The following MICAL2 variants were observed in gnomAD, a reference collection of about 807,000 sequenced individuals.
MICAL2 encodes the protein [F-actin]-monooxygenase MICAL2.
Under a neutral mutation model 127.3 loss-of-function variants are expected in MICAL2, and 77 were observed. That is an observed-to-expected ratio of 0.60 (90% CI 0.50 to 0.73). The LOEUF (loss-of-function observed/expected upper bound fraction) is 0.73, where lower values mean the gene tolerates loss of function less well. MICAL2 is among the 30% of genes least tolerant of loss of function. MICAL2 has a pLI of 0.00. For synonymous variants in MICAL2, 570 were observed against 551.1 expected (o/e 1.03, Z -0.48); for missense variants, 1,351 against 1,434.4 (o/e 0.94, Z 0.94).
intron 3 of MICAL2, among the ~76,000 whole-genome samples, chr11:12,176,145 C>G (rs866537887): frequency 3.9e-5 from 6 of 152,194 alleles, no homozygotes; most frequent in Middle Eastern, 3.2e-3. Context: ...GCTGCTCACT[C>G]TCTCACCACA....
chr11:12,326,185 G>T (rs897220901), intron 31 of MICAL2, among the ~76,000 whole-genome samples: 13 of 152,150 alleles, frequency 8.5e-5, no homozygotes, highest in Non-Finnish European at 1.8e-4. Flanking sequence ...AAGAAGGGGA[G>T]TGAGACAGAG....
At chr11:12,141,530 G>C (rs1852351522) in intron 2 of MICAL2, among the ~76,000 whole-genome samples, 1 of 152,198 alleles carries the variant, frequency 6.6e-6, no homozygotes, top group African/African-American at 2.4e-5. Context: ...AGTTATGCCA[G>C]AGTGCAGATA....
chr11:12,302,943 A>T (rs756514673), intron 29 of MICAL2, among the ~76,000 whole-genome samples: 3 of 152,226 alleles, frequency 2.0e-5, no homozygotes, highest in Non-Finnish European at 2.9e-5. Flanking sequence ...GATTTAATCG[A>T]ATCACAGTTC....
intron 29 of MICAL2, among the ~76,000 whole-genome samples, chr11:12,305,061 G>T (rs1458668098): frequency 1.3e-5 from 2 of 152,108 alleles, no homozygotes; most frequent in South Asian, 4.1e-4. Flanking sequence ...CAGGGGGTAC[G>T]TTCCAAGACC....
At chr11:12,255,432 T>C in intron 22 of MICAL2, 2 of 560,404 alleles carry the variant, frequency 3.6e-6, no homozygotes, top group Non-Finnish European at 6.4e-6. Context: ...ACTTGTGTTT[T>C]TGCGGCCACA....
At chr11:12,222,449 C>T (rs1856935718) in intron 10 of MICAL2, among the ~76,000 whole-genome samples, 168 bp from the exon 11 acceptor site, 1 of 152,210 alleles carries the variant, frequency 6.6e-6, no homozygotes, top group Non-Finnish European at 1.5e-5. Context: ...GACCTTCTCC[C>T]CACTTTGCAG....
chr11:12,218,648 GAAATC>G (rs971439440), intron 8 of MICAL2, among the ~76,000 whole-genome samples: 1 of 152,220 alleles, frequency 6.6e-6, no homozygotes, highest in African/African-American at 2.4e-5. Flanking sequence ...GATCAGAAAG[GAAATC>G]AAATAACAGG....
intron 4 of MICAL2, among the ~76,000 whole-genome samples, chr11:12,205,769 A>G (rs1370530273): frequency 2.0e-5 from 3 of 152,226 alleles, no homozygotes; most frequent in Non-Finnish European, 2.9e-5. Context: ...CACTATGCCT[A>G]GCACATAGTA....
At chr11:12,201,076 C>A (rs1383583136) in intron 3 of MICAL2, among the ~76,000 whole-genome samples, 1 of 152,084 alleles carries the variant, frequency 6.6e-6, no homozygotes, top group Non-Finnish European at 1.5e-5. Flanking sequence ...TATGTCCAAG[C>A]CAAGGAGCTG....
upstream of MICAL2, among the ~76,000 whole-genome samples, chr11:12,273,037 G>A (rs1863689400): frequency 6.6e-6 from 1 of 152,186 alleles, no homozygotes. Context: ...GTATAGGGAG[G>A]GAGAAAAGAA....
chr11:12,145,173 T>A (rs766823387), intron 2 of MICAL2, among the ~76,000 whole-genome samples: 21 of 152,100 alleles, frequency 1.4e-4, no homozygotes, highest in Admixed American at 5.9e-4. Flanking sequence ...TGGTAATCAG[T>A]GTTGAATGAA....
intron 26 of MICAL2, chr11:12,262,011 TCTGA>T: frequency 6.0e-6 from 6 of 1,001,846 alleles, no homozygotes; most frequent in Non-Finnish European, 7.2e-6. Flanking sequence ...AGTCGGAATC[TCTGA>T]CTGTCGTGTA....
intron 1 of MICAL2, among the ~76,000 whole-genome samples, chr11:12,112,352 C>T (rs530441602): frequency 6.6e-6 from 1 of 152,264 alleles, no homozygotes; most frequent in South Asian, 2.1e-4. Context: ...CCTTATCCTC[C>T]CCCTAGTCAA....
chr11:12,196,448 G>A (rs571282560), intron 3 of MICAL2, among the ~76,000 whole-genome samples: 9 of 152,270 alleles, frequency 5.9e-5, no homozygotes, highest in African/African-American at 1.7e-4. Flanking sequence ...GGTAATTAAA[G>A]TCATGGAAGT....
At chr11:12,269,782 T>G (rs1222598497) in intron 24 of MICAL2, among the ~76,000 whole-genome samples, 1 of 152,242 alleles carries the variant, frequency 6.6e-6, no homozygotes, top group Non-Finnish European at 1.5e-5. Flanking sequence ...CCAGGGCCCC[T>G]TGAATGACGC....
downstream of MICAL2, chr11:12,294,657 G>A (rs374509610): frequency 1.1e-4 from 172 of 1,614,048 alleles, no homozygotes; most frequent in Non-Finnish European, 1.4e-4. Flanking sequence ...TCTTTTGAGA[G>A]TTTCCTCCAA....
At chr11:12,148,443 A>G (rs1031013513) in intron 2 of MICAL2, among the ~76,000 whole-genome samples, 4 of 152,110 alleles carry the variant, frequency 2.6e-5, no homozygotes, top group Admixed American at 2.6e-4. Context: ...GGGAGCCCTG[A>G]GAGATTTATG....
intron 5 of MICAL2, chr11:12,208,472 C>A (rs1855008511): frequency 4.1e-6 from 1 of 246,572 alleles, no homozygotes; most frequent in African/African-American, 2.3e-5. Flanking sequence ...ACGTGTTCTT[C>A]AAGCTGTGTG....
At chr11:12,237,982 G>T (rs1306347261) in intron 16 of MICAL2, among the ~76,000 whole-genome samples, 1 of 152,180 alleles carries the variant, frequency 6.6e-6, no homozygotes, top group Non-Finnish European at 1.5e-5. Context: ...GTGCTGTTGT[G>T]CACAGTTACA....
Sources: allele counts gnomAD v4.1 joint callset (sites outside exome capture counted in the v4.1 genomes callset), GRCh38; gene constraint gnomAD v4.1.1; transcripts MANE v1.5; gene names NCBI Gene and HGNC (gene_info 2026-07-23, HGNC 2026-07-21).